The following STK3 variants were observed in gnomAD, a reference collection of about 807,000 sequenced individuals.
STK3 encodes serine/threonine-protein kinase 3.
Under a neutral mutation model 58.0 loss-of-function variants are expected in STK3, and 41 were observed. The ratio of observed to expected loss-of-function variants is 0.71; its 90% CI spans 0.55 to 0.92. STK3 has a LOEUF of 0.92. STK3 is among the 40% of genes least tolerant of loss of function. STK3 has a pLI of 0.00. For missense variants in STK3, 479 were observed against 602.7 expected (o/e 0.79, Z 2.15); for synonymous variants, 170 against 191.0 (o/e 0.89, Z 0.91).
At chr8:98,550,807 G>C (rs12542758) in intron 8 of STK3, among the ~76,000 whole-genome samples, 39,942 of 151,956 alleles carry the variant, frequency 0.26, 5,898 homozygotes, top group East Asian at 0.45. Flanking sequence ...TAAATAAAAA[G>C]GTAAGCAAAA....
intron 3 of STK3, among the ~76,000 whole-genome samples, chr8:98,863,081 G>A (rs1194085412): frequency 6.6e-6 from 1 of 152,166 alleles, no homozygotes; most frequent in Non-Finnish European, 1.5e-5. Context: ...CCCTCTGGGT[G>A]GAGACATGGT....
chr8:98,551,294 A>G (rs1009113949), intron 8 of STK3, among the ~76,000 whole-genome samples: 5 of 152,182 alleles, frequency 3.3e-5, no homozygotes. Flanking sequence ...ATGATCTCAT[A>G]TTGCAAGCAA....
chr8:98,419,664 C>G (rs1164293747), intron 3 of STK3, among the ~76,000 whole-genome samples: 1 of 152,178 alleles, frequency 6.6e-6, no homozygotes, highest in Non-Finnish European at 1.5e-5. Flanking sequence ...CTGTCTCCAC[C>G]TTGGGAGAAA....
At chr8:98,370,583 A>G (rs1431353664), downstream of STK3, among the ~76,000 whole-genome samples, 1 of 152,194 alleles carries the variant, frequency 6.6e-6, no homozygotes, top group Non-Finnish European at 1.5e-5. Flanking sequence ...CCCAAGGATG[A>G]GTAGGACTAA....
intron 1 of STK3, among the ~76,000 whole-genome samples, chr8:98,818,342 T>G (rs927124458): frequency 6.6e-4 from 101 of 152,326 alleles, no homozygotes; most frequent in African/African-American, 2.2e-3. Context: ...AAACAATTAA[T>G]AATTACTGAA....
intron 3 of STK3, among the ~76,000 whole-genome samples, 161 bp downstream of exon 3, chr8:98,767,082 T>C (rs1206740319): frequency 6.6e-6 from 1 of 151,880 alleles, no homozygotes; most frequent in Non-Finnish European, 1.5e-5. Context: ...GATGGCGCCA[T>C]TGCACTCCAG....
chr8:98,766,636 G>C (rs772483131), intron 3 of STK3, among the ~76,000 whole-genome samples: 1 of 152,126 alleles, frequency 6.6e-6, no homozygotes, highest in African/African-American at 2.4e-5. Context: ...GACTGGCCTT[G>C]AACTCCTGGG....
chr8:98,506,049 C>A (rs1824037691), intron 10 of STK3, among the ~76,000 whole-genome samples: 1 of 152,200 alleles, frequency 6.6e-6, no homozygotes, highest in African/African-American at 2.4e-5. Flanking sequence ...GCAGTGGGCT[C>A]CACCCAGTTT....
At chr8:98,634,288 A>G (rs1819471806) in intron 6 of STK3, among the ~76,000 whole-genome samples, 1 of 152,130 alleles carries the variant, frequency 6.6e-6, no homozygotes, top group African/African-American at 2.4e-5. Context: ...GGAGTTTGAG[A>G]ACAGCCTGGG....
intron 6 of STK3, among the ~76,000 whole-genome samples, chr8:98,632,154 C>G (rs1015304289): frequency 1.3e-5 from 2 of 152,124 alleles, no homozygotes; most frequent in Non-Finnish European, 2.9e-5. Context: ...AATCCATAAA[C>G]CTCGCAAAGA....
At position 98,455,010 on chromosome 8, in the gene STK3, C is replaced by A. The variant is rs553884675; in HGVS notation, c.*832G>T. 6.6e-6 allele frequency: 1 copy of A among 152,548 alleles called. No individual in the cohort carries two copies. Among genetic ancestry groups the A allele is most frequent in the East Asian group, 1.9e-4 (1 of 5,182 alleles). The allele number at this position is 152,548 out of a possible 1,614,324, so 9.4% of individuals were successfully genotyped here. On this transcript the variant is annotated 3_prime_UTR_variant, in exon 11 of 11. Coordinates refer to ENST00000419617, the MANE Select transcript of STK3 (RefSeq NM_006281.4). ...TGAATCAGTTCAGCTATTAGATCTACACATAAAACATGAAACAATATTAAC... is the reference window on the plus strand; with the variant it reads ...TGAATCAGTTCAGCTATTAGATCTAAACATAAAACATGAAACAATATTAAC...
Position 98,655,172 on chromosome 8 carries a change from A to G in STK3, c.684+51295T>C, listed in dbSNP as rs1042617657. Among the ~76,000 whole-genome samples the G allele has an allele frequency of 1.4e-4, 22 of 152,224 alleles. 1 individual carries two copies. The highest frequency in any genetic ancestry group is 3.6e-4 in the African/African-American group (15 of 41,548). On this transcript the variant is annotated intron_variant, in intron 6 of 10. Transcript: ENST00000419617. ...ATGGAACAGAACAGAGCCCTCAGAAATAACGCCGCATACCTACAACTATCT... is the reference window on the plus strand; with the variant it reads ...ATGGAACAGAACAGAGCCCTCAGAAGTAACGCCGCATACCTACAACTATCT...
chr8:98,689,239 A>G (rs1824227758), intron 6 of STK3, among the ~76,000 whole-genome samples: 1 of 152,152 alleles, frequency 6.6e-6, no homozygotes, highest in Non-Finnish European at 1.5e-5. Context: ...ACCAACAAGT[A>G]ACAAGATTCA....
chr8:98,787,381 C>A (rs1229585369), intron 1 of STK3, among the ~76,000 whole-genome samples: 1 of 151,236 alleles, frequency 6.6e-6, no homozygotes, highest in Non-Finnish European at 1.5e-5. Context: ...CCAACAAAGA[C>A]AAAGGAAAAA....
chr8:98,407,759 C>CGT (rs1563594569), intron 3 of STK3, among the ~76,000 whole-genome samples: 2 of 121,418 alleles, frequency 1.6e-5, no homozygotes, highest in African/African-American at 6.6e-5. Context: ...TGTGTGTGTG[C>CGT]GCGCGCGCGC....
chr8:98,836,969 T>A (rs1835769382), intron 3 of STK3, among the ~76,000 whole-genome samples: 1 of 152,186 alleles, frequency 6.6e-6, no homozygotes. Context: ...ATCAATGATA[T>A]CATTACATAT....
At chr8:98,523,089 C>T (rs61101090) in intron 10 of STK3, among the ~76,000 whole-genome samples, 5 of 152,110 alleles carry the variant, frequency 3.3e-5, no homozygotes, top group Admixed American at 2.6e-4. Context: ...TATGATAATG[C>T]TATGTTAGTT....
At chr8:98,665,992 C>T (rs759674864) in intron 6 of STK3, among the ~76,000 whole-genome samples, 30 of 152,086 alleles carry the variant, frequency 2.0e-4, no homozygotes, top group Admixed American at 3.3e-4. Flanking sequence ...CGTGAGCCAC[C>T]GCACCTGGCC....
intron 1 of STK3, among the ~76,000 whole-genome samples, chr8:98,941,923 G>A (rs1037108092): frequency 2.0e-4 from 31 of 152,362 alleles, no homozygotes; most frequent in Non-Finnish European, 1.8e-4. Context: ...TCAGGTCCCC[G>A]GGGCCGCGGC....
Sources: allele counts gnomAD v4.1 joint callset (sites outside exome capture counted in the v4.1 genomes callset), GRCh38; gene constraint gnomAD v4.1.1; transcripts MANE v1.5; gene names NCBI Gene and HGNC (gene_info 2026-07-23, HGNC 2026-07-21).